The following ANK3 variants were observed in gnomAD, a reference collection of about 807,000 sequenced individuals.
ANK3 encodes ankyrin 3.
A neutral mutation model predicts 370.9 loss-of-function variants in ANK3; 57 were observed. The ratio of observed to expected loss-of-function variants is 0.15; its 90% confidence interval spans 0.12 to 0.19. The LOEUF (loss-of-function observed/expected upper bound fraction) is 0.19. Among genes scored for constraint, ANK3 ranks in the 10% least tolerant of loss-of-function variants. ANK3 has a pLI of 1.00. For missense variants in ANK3, 4,439 were observed against 5,302.1 expected (o/e 0.84, Z 5.06); for synonymous variants, 1,929 against 1,946.3 (o/e 0.99, Z 0.23).
chr10:60,338,114 C>T (rs910868434), intron 1 of ANK3, among the ~76,000 whole-genome samples: 6 of 152,064 alleles, frequency 3.9e-5, no homozygotes, highest in South Asian at 2.1e-4. Context: ...GATTTCTTCC[C>T]GAGTCTTGGC....
chr10:60,165,665 T>C (rs908883064), intron 23 of ANK3, among the ~76,000 whole-genome samples: 2 of 152,054 alleles, frequency 1.3e-5, no homozygotes, highest in Non-Finnish European at 2.9e-5. Flanking sequence ...AAAGAAATCA[T>C]ATGAATTAAA....
At chr10:60,413,340 T>C (rs764620786) in intron 2 of ANK3, among the ~76,000 whole-genome samples, 4 of 152,254 alleles carry the variant, frequency 2.6e-5, no homozygotes, top group Non-Finnish European at 5.9e-5. Flanking sequence ...TTCCTTTATG[T>C]TACTACCTGT....
chr10:60,225,369 T>C (rs1209123537), intron 8 of ANK3, among the ~76,000 whole-genome samples: 1 of 152,206 alleles, frequency 6.6e-6, no homozygotes, highest in African/African-American at 2.4e-5. Context: ...TCTTATTTAA[T>C]CTTTGCAGCA....
At chr10:60,163,864 T>G (rs1442595192) in intron 23 of ANK3, among the ~76,000 whole-genome samples, 1 of 152,222 alleles carries the variant, frequency 6.6e-6, no homozygotes, top group Admixed American at 6.5e-5. Context: ...TTTTAAAAGC[T>G]GCTGTTATTC....
chr10:60,187,522 C>G (rs955756815), intron 16 of ANK3, among the ~76,000 whole-genome samples: 2 of 152,060 alleles, frequency 1.3e-5, no homozygotes, highest in African/African-American at 4.8e-5. Context: ...ATAAATTTCC[C>G]TTTTACAGGA....
chr10:60,245,126 G>T (rs1022251873), intron 7 of ANK3, among the ~76,000 whole-genome samples: 3 of 151,870 alleles, frequency 2.0e-5, no homozygotes, highest in African/African-American at 7.3e-5. Flanking sequence ...CCGAGATTGC[G>T]CCACTGCACT....
intron 16 of ANK3, among the ~76,000 whole-genome samples, chr10:60,190,661 G>A (rs1036922229): frequency 6.6e-6 from 1 of 152,116 alleles, no homozygotes; most frequent in African/African-American, 2.4e-5. Context: ...AGTCTTTGGA[G>A]GGAAAAGCCA....
intron 1 of ANK3, among the ~76,000 whole-genome samples, chr10:60,350,670 C>T (rs925156439): frequency 6.6e-6 from 1 of 151,926 alleles, no homozygotes; most frequent in African/African-American, 2.4e-5. Flanking sequence ...GTAGCTGTTG[C>T]CAAGATAAAA....
intron 2 of ANK3, among the ~76,000 whole-genome samples, chr10:60,469,054 T>TATACAC (rs1201040809): frequency 2.9e-5 from 1 of 34,914 alleles, no homozygotes; most frequent in African/African-American, 1.1e-4. Context: ...TATATATATA[T>TATACAC]ACCACTTTTA....
At chr10:60,323,595 T>C (rs1015122571) in intron 1 of ANK3, among the ~76,000 whole-genome samples, 8 of 152,100 alleles carry the variant, frequency 5.3e-5, no homozygotes, top group Admixed American at 5.2e-4. Context: ...GAAATATAAA[T>C]TTGGTAGTTA....
At chr10:60,114,815 C>T (rs868177309) in intron 25 of ANK3, among the ~76,000 whole-genome samples, 2 of 152,162 alleles carry the variant, frequency 1.3e-5, no homozygotes, top group East Asian at 1.9e-4. Context: ...CAGCAGAGGG[C>T]GGTTGAAGCA....
chr10:60,676,259 G>A (rs973726583), intron 1 of ANK3, among the ~76,000 whole-genome samples: 3 of 152,068 alleles, frequency 2.0e-5, no homozygotes, highest in African/African-American at 7.2e-5. Context: ...ATTTGAAAAT[G>A]TTTTACCTTT....
At chr10:60,450,821 C>T (rs1245597188) in intron 2 of ANK3, among the ~76,000 whole-genome samples, 1 of 152,170 alleles carries the variant, frequency 6.6e-6, no homozygotes, top group Non-Finnish European at 1.5e-5. Flanking sequence ...TCACAGAACA[C>T]TTAACGTGAA....
At position 60,692,898 on chromosome 10, in the gene ANK3, CA is replaced by C. The variant is rs886231020; in HGVS notation, c.57+40364del. Among the ~76,000 whole-genome samples, 61 of 152,216 alleles carry C rather than the reference CA, an allele frequency of 4.0e-4. 1 individual carries two copies. Among genetic ancestry groups the C allele is most frequent in the African/African-American group, 1.3e-3 (56 of 41,548 alleles). The stretch of plus-strand genomic sequence containing the variant: ...AGAATTGAATGACACTTACAAAAAA[CA>C]AAAAAATTATTTTATTACCACTTAT... On this transcript the variant is annotated intron_variant, in intron 1 of 43. Transcript: ENST00000373827.
At chr10:60,427,574 G>A (rs1345678384) in intron 2 of ANK3, among the ~76,000 whole-genome samples, 1 of 151,832 alleles carries the variant, frequency 6.6e-6, no homozygotes, top group Admixed American at 6.6e-5. Context: ...GAAAGAAGTG[G>A]CACATATCAG....
chr10:60,139,005 T>C lies in ANK3; in HGVS notation c.2697A>G (p.Ala899=). 6.2e-7 allele frequency: 1 copy of C among 1,613,854 alleles called. No individual in the cohort carries two copies. Among genetic ancestry groups the C allele is most frequent in the Non-Finnish European group, 8.5e-7 (1 of 1,179,846 alleles). Residue 899 remains alanine (A), a synonymous_variant, in exon 24 of 44, where the codon GCA becomes GCG. Coordinates refer to ENST00000280772, the MANE Select transcript of ANK3 (RefSeq NM_020987.5). The part of the protein sequence containing the change: ...LKELGDDSLP[A]EGYMGFSLGA... ...CGAGACTAAAGCCCATGTAACCCTC[T>C]GCAGGCAGGGAATCATCACCCAATT...
chr10:60,534,337 G>A (rs1389391656), intron 2 of ANK3, among the ~76,000 whole-genome samples: 3 of 152,130 alleles, frequency 2.0e-5, no homozygotes, highest in Middle Eastern at 3.4e-3. Flanking sequence ...AACTCCAAAC[G>A]CATTCATGTC....
chr10:60,447,658 A>G (rs2064485789), intron 2 of ANK3, among the ~76,000 whole-genome samples: 2 of 152,188 alleles, frequency 1.3e-5, no homozygotes, highest in South Asian at 4.1e-4. Flanking sequence ...AATGTCAAAA[A>G]TGACATTTAT....
chr10:60,533,256 T>C (rs1041627008), intron 2 of ANK3, among the ~76,000 whole-genome samples: 1 of 152,082 alleles, frequency 6.6e-6, no homozygotes, highest in Admixed American at 6.6e-5. Flanking sequence ...TTATGAGGAC[T>C]CAGAACTTTA....
Sources: gnomAD v4.1 joint callset for allele counts (sites outside exome capture counted in the v4.1 genomes callset) on GRCh38, gnomAD v4.1.1 for gene constraint, MANE v1.5 for transcripts, NCBI Gene and HGNC (gene_info 2026-07-23, HGNC 2026-07-21) for gene names.